SLAMF6: variants seen among roughly 807,000 people sequenced by gnomAD.
SLAMF6 encodes the protein NK-T-B-antigen.
Under a neutral mutation model 38.3 loss-of-function variants are expected in SLAMF6, and 21 were observed. That is an observed-to-expected ratio of 0.55 (90% CI 0.39 to 0.79). SLAMF6 has a LOEUF of 0.79. Among genes scored for constraint, SLAMF6 ranks in the 30% least tolerant of loss-of-function variants. The pLI, the probability that SLAMF6 is intolerant of heterozygous loss-of-function variation, is 0.00. For missense variants in SLAMF6, 341 were observed against 385.3 expected (o/e 0.89, Z 0.96); for synonymous variants, 152 against 146.3 (o/e 1.04, Z -0.28).
intron 1 of SLAMF6, among the ~76,000 whole-genome samples, chr1:160,499,397 T>C (rs1252691026): frequency 6.6e-6 from 1 of 152,178 alleles, no homozygotes; most frequent in Non-Finnish European, 1.5e-5. Flanking sequence ...CTGAGTTTTT[T>C]GTTCTCTTCC....
chr1:160,497,880 A>T (rs1459860947), intron 1 of SLAMF6, among the ~76,000 whole-genome samples: 1 of 152,070 alleles, frequency 6.6e-6, no homozygotes, highest in Non-Finnish European at 1.5e-5. Flanking sequence ...CCAATCCATC[A>T]TTGATTGGAA....
At chr1:160,518,270 G>A (rs1486505278) in intron 1 of SLAMF6, among the ~76,000 whole-genome samples, 4 of 152,158 alleles carry the variant, frequency 2.6e-5, no homozygotes, top group Non-Finnish European at 4.4e-5. Context: ...ATGCTGGCAA[G>A]GCTGTGGAGA....
rs1251006118 is a variant in SLAMF6, at chr1:160,487,126, G to A, written c.929C>T (p.Ser310Phe). 1 of 1,612,982 alleles carries A rather than the reference G, an allele frequency of 6.2e-7. No homozygotes were observed. Among genetic ancestry groups the A allele is most frequent in the Non-Finnish European group, 8.5e-7 (1 of 1,179,388 alleles). Residue 310 changes from serine to phenylalanine, a missense_variant, in exon 7 of 8, where the codon TCC (serine) becomes TTC (phenylalanine). Coordinates refer to ENST00000368057, the MANE Select transcript of SLAMF6 (RefSeq NM_001184714.2). ...PRENDTITIY[S>F]TINHSKESKP... The stretch of plus-strand genomic sequence containing the variant: ...TACCTCTTTGGAATGATTAATTGTG[G>A]AGTAAATTGTGATAGTATCATTTTC...
intron 1 of SLAMF6, among the ~76,000 whole-genome samples, chr1:160,520,829 T>G (rs1055815148): frequency 4.0e-4 from 61 of 152,198 alleles, no homozygotes; most frequent in African/African-American, 1.3e-3. Flanking sequence ...TTGCCCCACA[T>G]TTTTGCAACA....
chr1:160,522,813 A>G (rs1184056540), intron 1 of SLAMF6, among the ~76,000 whole-genome samples: 1 of 152,108 alleles, frequency 6.6e-6, no homozygotes, highest in South Asian at 2.1e-4. Flanking sequence ...ATGAGGGCCC[A>G]TTTTCTTGGT....
At chr1:160,491,545 A>G (rs1471778659) in intron 2 of SLAMF6, 157 bp from the exon 3 acceptor site, 1 of 610,808 alleles carries the variant, frequency 1.6e-6, no homozygotes, top group Non-Finnish European at 2.0e-6. Flanking sequence ...TGCCTAATTG[A>G]TGGTAGCAAG....
At chr1:160,518,983 G>C (rs961172633) in intron 1 of SLAMF6, among the ~76,000 whole-genome samples, 6 of 152,060 alleles carry the variant, frequency 3.9e-5, no homozygotes, top group Non-Finnish European at 7.4e-5. Flanking sequence ...CAAAATTAAA[G>C]ACTTTTGTGC....
At chr1:160,515,473 T>C (rs1033367317) in intron 1 of SLAMF6, among the ~76,000 whole-genome samples, 1 of 152,156 alleles carries the variant, frequency 6.6e-6, no homozygotes, top group African/African-American at 2.4e-5. Flanking sequence ...TTCCAAACAA[T>C]TGAAAAGGAG....
intron 2 of SLAMF6, among the ~76,000 whole-genome samples, chr1:160,494,201 G>A (rs1426031725): frequency 6.6e-6 from 1 of 152,122 alleles, no homozygotes; most frequent in Admixed American, 6.5e-5. Context: ...ACCTGGTGTA[G>A]CTTACACAGT....
chr1:160,509,462 C>T (rs940227110), intron 1 of SLAMF6, among the ~76,000 whole-genome samples: 1 of 151,434 alleles, frequency 6.6e-6, no homozygotes, highest in Non-Finnish European at 1.5e-5. Flanking sequence ...AATGAGAACA[C>T]TTGGACACAG....
At chr1:160,516,574 G>A (rs1209055102) in intron 1 of SLAMF6, among the ~76,000 whole-genome samples, 1 of 152,158 alleles carries the variant, frequency 6.6e-6, no homozygotes, top group African/African-American at 2.4e-5. Context: ...GAACAAAGCT[G>A]GAGGCATCAT....
At chr1:160,487,440 T>A (rs558505992) in intron 6 of SLAMF6, among the ~76,000 whole-genome samples, 1 of 152,236 alleles carries the variant, frequency 6.6e-6, no homozygotes, top group Non-Finnish European at 1.5e-5. Flanking sequence ...CCTTGCTGTA[T>A]GAAGGGAAGG....
intron 1 of SLAMF6, among the ~76,000 whole-genome samples, chr1:160,498,146 C>T (rs994162516): frequency 1.3e-5 from 2 of 150,970 alleles, no homozygotes; most frequent in East Asian, 3.9e-4. Context: ...GACCTAGCAC[C>T]TGTTTTTTTT....
At chr1:160,501,693 C>T (rs375046433) in intron 1 of SLAMF6, among the ~76,000 whole-genome samples, 4 of 137,784 alleles carry the variant, frequency 2.9e-5, no homozygotes, top group African/African-American at 6.0e-5. Flanking sequence ...TCCAATAATG[C>T]CTTGCTTTTT....
chr1:160,492,915 C>T (rs889124937), intron 2 of SLAMF6, among the ~76,000 whole-genome samples: 2 of 152,184 alleles, frequency 1.3e-5, no homozygotes, highest in African/African-American at 4.8e-5. Flanking sequence ...TCACCCTGAT[C>T]CAAGCTAGCA....
chr1:160,493,423 CT>C (rs2102022374), intron 2 of SLAMF6, among the ~76,000 whole-genome samples: 1 of 152,272 alleles, frequency 6.6e-6, no homozygotes, highest in African/African-American at 2.4e-5. Context: ...CTAATCTCTC[CT>C]TTGTTCATAC....
chr1:160,517,193 C>G (rs956614427), intron 1 of SLAMF6, among the ~76,000 whole-genome samples: 2 of 151,696 alleles, frequency 1.3e-5, no homozygotes, highest in African/African-American at 4.8e-5. Context: ...CATTAAAAGG[C>G]GAGCAAAGGA....
rs774845918 is a variant in SLAMF6, at chr1:160,487,113, A to G, written c.942T>C (p.His314=). 1 of 1,612,370 alleles carries G rather than the reference A, an allele frequency of 6.2e-7. No homozygotes were observed. Among genetic ancestry groups the G allele is most frequent in the Admixed American group, 1.7e-5 (1 of 59,920 alleles). The part of the protein sequence containing the change: ...DTITIYSTIN[H]SKESKPTFSR... ...GCAATCGTGGGCTTACCTCTTTGGAATGATTAATTGTGGAGTAAATTGTGA... is the reference window on the plus strand; with the variant it reads ...GCAATCGTGGGCTTACCTCTTTGGAGTGATTAATTGTGGAGTAAATTGTGA... The change falls in exon 7 of 8, where the codon CAT becomes CAC. Residue 314 remains histidine, a synonymous_variant. Transcript: ENST00000368057.
chr1:160,490,397 G>C, intron 4 of SLAMF6, 161 bp from the exon 5 acceptor site: 1 of 811,976 alleles, frequency 1.2e-6, no homozygotes, highest in South Asian at 5.6e-5. Context: ...ATTTCTCTCA[G>C]GATATTAGCA....
Sources: gnomAD v4.1 joint callset for allele counts (sites outside exome capture counted in the v4.1 genomes callset) on GRCh38, gnomAD v4.1.1 for gene constraint, MANE v1.5 for transcripts, NCBI Gene and HGNC (gene_info 2026-07-23, HGNC 2026-07-21) for gene names.